Variants in LEPROT observed in about 807,000 individuals in gnomAD.
LEPROT encodes the protein leptin receptor overlapping transcript.
A neutral mutation model predicts 15.4 loss-of-function variants in LEPROT; 3 were observed. The ratio of observed to expected loss-of-function variants is 0.19; its 90% CI spans 0.09 to 0.50. The LOEUF is 0.50. Among genes scored for constraint, LEPROT ranks in the 20% least tolerant of loss-of-function variants. The probability of loss-of-function intolerance (pLI) is 0.97; values close to 1 mark genes in which losing one functional copy is unlikely to be tolerated. For synonymous variants in LEPROT, 59 were observed against 57.5 expected (o/e 1.03, Z -0.12); for missense variants, 137 against 162.2 (o/e 0.84, Z 0.84).
chr1:65,431,858 C>T lies in LEPROT; in HGVS notation c.335C>T (p.Thr112Ile). The T allele has an allele frequency of 6.2e-7, 1 of 1,614,114 alleles. No individual in the cohort carries two copies. Among genetic ancestry groups the T allele is most frequent in the Admixed American group, 1.7e-5 (1 of 60,026 alleles). Residue 112 changes from threonine (T) to isoleucine (I), a missense_variant, in exon 4 of 4, where the codon ACA becomes ATA. Thr to Ile is a moderately conservative substitution (Grantham distance 89, BLOSUM62 -1). Transcript: ENST00000371065. ...GCAGGCAATGCAGTCATTTTCCTTA[C>T]AATTCAAGGGTTTTTCCTTATATTT... ...VLAGNAVIFL[T>I]IQGFFLIFGR...
intron 2 of LEPROT, among the ~76,000 whole-genome samples, chr1:65,428,456 C>T (rs1294088029): frequency 6.6e-6 from 1 of 152,144 alleles, no homozygotes; most frequent in Non-Finnish European, 1.5e-5. Context: ...GGGCTACTTC[C>T]CACAATATTG....
intron 1 of LEPROT, among the ~76,000 whole-genome samples, chr1:65,422,803 T>C (rs1468280506): frequency 6.6e-6 from 1 of 151,896 alleles, no homozygotes; most frequent in Non-Finnish European, 1.5e-5. Context: ...CAGTTAGGAG[T>C]GAGTCAGGCG....
chr1:65,430,016 G>A lies in LEPROT; in HGVS notation c.247G>A (p.Gly83Arg), dbSNP rs1646455849. 2 of 1,564,082 alleles carry A rather than the reference G, an allele frequency of 1.3e-6. No individual in the cohort carries two copies. The highest frequency in any genetic ancestry group is 1.7e-6 in the Non-Finnish European group (2 of 1,143,118). Residue 83 changes from glycine (G) to arginine (R), a missense_variant, in exon 3 of 4, where the codon GGA (glycine) becomes AGA (arginine). Transcript: ENST00000371065. ...TACTGGAATTGTTGTTTCTGCCTTTGGATTTCCTGTTATTCTTGCTCGTGT... is the reference window on the plus strand; with the variant it reads ...TACTGGAATTGTTGTTTCTGCCTTTAGATTTCCTGTTATTCTTGCTCGTGT... The part of the protein sequence containing the change: ...FTTGIVVSAF[G>R]FPVILARVAV...
In LEPROT at chr1:65,435,291, T is replaced by G. The variant is rs1646543030; in HGVS notation, c.*3372T>G. On this transcript the variant is annotated 3_prime_UTR_variant, in exon 4 of 4. Coordinates refer to ENST00000371065, the MANE Select transcript of LEPROT (RefSeq NM_017526.5). ...AATACTGTTTTCAAGGCTGAAATAG[T>G]TCATTATGTTAATAACCTTCTTTAT... 1.0e-6 allele frequency: 1 copy of G among 985,068 alleles called. No homozygotes were observed. The highest frequency in any genetic ancestry group is 1.7e-5 in the African/African-American group (1 of 57,238). 61.0% of individuals were successfully genotyped at this position (985,068 alleles called of 1,614,324 possible).
Position 65,421,459 on chromosome 1 carries a change from G to A in LEPROT, c.16+719G>A, listed in dbSNP as rs981604709. 3.3e-6 allele frequency: 5 copies of A among 1,535,942 alleles called. No individual in the cohort carries two copies. The African/African-American group carries it at 5.5e-5, about 17-fold the overall frequency. ...TTTTTTGCAAGGCTTCCTGTATTTTGGTAGGAAAACATTCCATTTCTAATC... is the reference window on the plus strand; with the variant it reads ...TTTTTTGCAAGGCTTCCTGTATTTTAGTAGGAAAACATTCCATTTCTAATC... On this transcript the variant is annotated intron_variant, in intron 1 of 3. Transcript: ENST00000371065.
chr1:65,421,756 C>A (rs1022952862), intron 1 of LEPROT, among the ~76,000 whole-genome samples: 5 of 152,004 alleles, frequency 3.3e-5, no homozygotes, highest in African/African-American at 4.8e-5. Flanking sequence ...CCATTTGAAG[C>A]CAATGCCGAA....
intron 1 of LEPROT, among the ~76,000 whole-genome samples, chr1:65,422,239 G>A (rs1646265294): frequency 6.6e-6 from 1 of 152,164 alleles, no homozygotes; most frequent in Admixed American, 6.5e-5. Flanking sequence ...AAGAAGAGGG[G>A]AATTTAGACA....
In LEPROT at chr1:65,426,404, A is replaced by G. The variant is rs1341109241; in HGVS notation, c.92+1026A>G. 5.3e-5 allele frequency among the ~76,000 whole-genome samples: 8 copies of G among 152,266 alleles called. No individual in the cohort carries two copies. The South Asian group carries it at 1.4e-3, about 28-fold the overall frequency. ...GGTTCCATTTTATACATCAGACAATAGAACCTGGGAAAATATCTTGAGAAT... is the reference window on the plus strand; with the variant it reads ...GGTTCCATTTTATACATCAGACAATGGAACCTGGGAAAATATCTTGAGAAT... On this transcript the variant is annotated intron_variant, in intron 2 of 3. Coordinates refer to ENST00000371065, the MANE Select transcript of LEPROT (RefSeq NM_017526.5).
chr1:65,424,448 G>A (rs1007193641), intron 1 of LEPROT, among the ~76,000 whole-genome samples: 2 of 152,156 alleles, frequency 1.3e-5, no homozygotes, highest in Non-Finnish European at 2.9e-5. Flanking sequence ...CTGGAGTTAT[G>A]TGGACCAACT....
intron 3 of LEPROT, 148 bp from the exon 4 acceptor site, chr1:65,431,655 A>C (rs371373228): frequency 1.8e-5 from 13 of 706,860 alleles, no homozygotes; most frequent in East Asian, 1.6e-4. Context: ...ATTACTGAAC[A>C]GTTCATTGTC....
At position 65,432,117 on chromosome 1, in the gene LEPROT, A is replaced by G. The variant is rs1482609264; in HGVS notation, c.*198A>G. The G allele has an allele frequency of 3.2e-6, 4 of 1,266,772 alleles. No homozygotes were observed. Among genetic ancestry groups the G allele is most frequent in the Non-Finnish European group, 4.0e-6 (4 of 1,005,934 alleles). The allele number at this position is 1,266,772 out of a possible 1,614,324, so 78.5% of individuals were successfully genotyped here. On this transcript the variant is annotated 3_prime_UTR_variant, in exon 4 of 4. Transcript: ENST00000371065. ...CAAATAGACCTGTCAAATTTAGATT[A>G]TGTTACTCAAATTATGTTACTTGTT... is the stretch of plus-strand genomic sequence containing the variant.
Position 65,432,566 on chromosome 1 carries a change from TAAAAA to T in LEPROT, c.*658_*662del. The T allele has an allele frequency of 7.9e-6, 7 of 882,296 alleles. No homozygotes were observed. The highest frequency in any genetic ancestry group is 8.1e-6 in the Non-Finnish European group (6 of 741,196). The allele number at this position is 882,296 out of a possible 1,614,324, so 54.7% of individuals were successfully genotyped here. ...TCTGGGTGTTACCTGCTCATTTGTT[TAAAAA>T]AAAAAAAAAAGTCTCACCTGCTTTC... is the stretch of plus-strand genomic sequence containing the variant. On this transcript the variant is annotated 3_prime_UTR_variant, in exon 4 of 4. Transcript: ENST00000371065.
chr1:65,427,397 G>A (rs1646400315), intron 2 of LEPROT, among the ~76,000 whole-genome samples: 1 of 152,060 alleles, frequency 6.6e-6, no homozygotes, highest in Non-Finnish European at 1.5e-5. Flanking sequence ...AACAAAGTGA[G>A]ACCCCATTCT....
intron 3 of LEPROT, 30 bp downstream of exon 3, chr1:65,430,078 A>G (rs774705254): frequency 4.6e-6 from 7 of 1,519,462 alleles, no homozygotes; most frequent in East Asian, 2.3e-5. Flanking sequence ...GTTTTGCCCA[A>G]CCGTTGCTGA....
Position 65,432,503 on chromosome 1 carries a change from ACTTC to A in LEPROT, c.*588_*591del. The A allele has an allele frequency of 4.7e-6, 3 of 637,360 alleles. No individual in the cohort carries two copies. Among genetic ancestry groups the A allele is most frequent in the Non-Finnish European group, 5.9e-6 (3 of 512,470 alleles). 39.5% of individuals were successfully genotyped at this position (637,360 alleles called of 1,614,324 possible). A position where few individuals can be genotyped will look rare whatever the true frequency, so the allele number is the denominator to read the frequency against. ...CATAGAGAAGTAAACATCACACCCA[ACTTC>A]CTTATCTTTCCAGTGGCTAAACCAC... is the stretch of plus-strand genomic sequence containing the variant. On this transcript the variant is annotated 3_prime_UTR_variant, in exon 4 of 4. Coordinates refer to ENST00000371065, the MANE Select transcript of LEPROT (RefSeq NM_017526.5).
chr1:65,433,046 G>C lies in LEPROT; in HGVS notation c.*1127G>C, dbSNP rs537242608. The C allele has an allele frequency of 1.0e-6, 1 of 985,442 alleles. No homozygotes were observed. Among genetic ancestry groups the C allele is most frequent in the East Asian group, 1.1e-4 (1 of 8,816 alleles). The allele number at this position is 985,442 out of a possible 1,614,324, so 61.0% of individuals were successfully genotyped here. On this transcript the variant is annotated 3_prime_UTR_variant, in exon 4 of 4. Transcript: ENST00000371065. ...AATGCTGGGGGAAGAGCTCCACTGA[G>C]ATGCGGGCAGGGAGGCTGGGCTCGA...
At position 65,433,807 on chromosome 1, in the gene LEPROT, GTTTAAC is replaced by G. The variant is rs1342248685; in HGVS notation, c.*1894_*1899del. 6.2e-6 allele frequency: 6 copies of G among 975,004 alleles called. No homozygotes were observed. In the Middle Eastern group the frequency reaches 1.6e-3, roughly 255 times the overall value. 60.4% of individuals were successfully genotyped at this position (975,004 alleles called of 1,614,324 possible). ...ATAAATTTCACTTTTAACTTTAAAA[GTTTAAC>G]TTTAAAATTTTTTTGTGATGTTGCC... On this transcript the variant is annotated 3_prime_UTR_variant, in exon 4 of 4. Transcript: ENST00000371065.
At chr1:65,421,303 CGGTGTTTTCTCTGTTTAT>C in intron 1 of LEPROT, 1 of 1,507,848 alleles carries the variant, frequency 6.6e-7, no homozygotes, top group Non-Finnish European at 8.8e-7. Context: ...CTGCTTTCTT[CGGTGTTTTCTCTGTTTAT>C]GGACAGAGAA....
rs150026062 is a variant in LEPROT, at chr1:65,425,348, T to G, written c.62T>G (p.Leu21Arg). ...AGTGGGGCTATTGGACTGACTTTTC[T>G]TATGCTGGGATGTGCCTTAGAGGAT... ...SFSGAIGLTF[L>R]MLGCALEDYG... Residue 21 changes from leucine (L) to arginine (R), a missense_variant, in exon 2 of 4, where the codon CTT becomes CGT. Physicochemically the swap from Leu to Arg is moderately radical, Grantham distance 102 (BLOSUM62 -2). Transcript: ENST00000371065. 4.8e-4 allele frequency: 779 copies of G among 1,607,058 alleles called. 1 individual carries two copies. The highest frequency in any genetic ancestry group is 7.0e-4 in the Admixed American group (40 of 57,392).
Sources: allele counts gnomAD v4.1 joint callset (sites outside exome capture counted in the v4.1 genomes callset), GRCh38; gene constraint gnomAD v4.1.1; transcripts MANE v1.5; gene names NCBI Gene and HGNC (gene_info 2026-07-23, HGNC 2026-07-21).